Variants in CCDC91 observed in about 807,000 individuals in gnomAD.
The protein encoded by CCDC91 is coiled-coil domain containing 91, also known as coiled-coil domain-containing protein 91.
A neutral mutation model predicts 63.2 loss-of-function variants in CCDC91; 48 were observed. The observed-to-expected ratio is 0.76, with a 90% confidence interval of 0.60 to 0.97. The LOEUF is 0.97. Ranked by LOEUF, CCDC91 falls within the 50% of genes least tolerant of loss-of-function variation. The probability of loss-of-function intolerance (pLI) is 0.00; values close to 1 mark genes in which losing one functional copy is unlikely to be tolerated. For missense variants in CCDC91, 500 were observed against 494.6 expected (o/e 1.01, Z -0.10); for synonymous variants, 167 against 165.8 (o/e 1.01, Z -0.06).
chr12:28,336,059 T>TG (rs11432730), intron 6 of CCDC91, among the ~76,000 whole-genome samples: 8 of 34,472 alleles, frequency 2.3e-4, no homozygotes, highest in African/African-American at 2.0e-3. Context: ...TTTGAACTAC[T>TG]TTTTTTTTTT....
At chr12:28,217,129 AACATGCT>A (rs1943614067) in intron 1 of CCDC91, among the ~76,000 whole-genome samples, 1 of 152,134 alleles carries the variant, frequency 6.6e-6, no homozygotes, top group Non-Finnish European at 1.5e-5. Context: ...CTAATCTCTT[AACATGCT>A]ACTAGGAAAT....
At chr12:28,401,000 T>C (rs1307201171) in intron 8 of CCDC91, among the ~76,000 whole-genome samples, 1 of 152,132 alleles carries the variant, frequency 6.6e-6, no homozygotes, top group Non-Finnish European at 1.5e-5. Context: ...TTCCAAACTT[T>C]CCCACATTTT....
At chr12:28,226,883 C>T (rs1161620753) in intron 1 of CCDC91, among the ~76,000 whole-genome samples, 1 of 152,080 alleles carries the variant, frequency 6.6e-6, no homozygotes. Flanking sequence ...TCAGACATTT[C>T]CTGGCTGTGG....
intron 3 of CCDC91, among the ~76,000 whole-genome samples, chr12:28,298,118 TATTC>T (rs58839531): frequency 0.42 from 62,838 of 151,158 alleles, 13,274 homozygotes; most frequent in Middle Eastern, 0.49. Flanking sequence ...TCACAGATGC[TATTC>T]ATTTGTTTTC....
chr12:28,430,532 G>A (rs1374787396), intron 8 of CCDC91, among the ~76,000 whole-genome samples: 1 of 151,956 alleles, frequency 6.6e-6, no homozygotes, highest in Admixed American at 6.6e-5. Flanking sequence ...GTATATATTA[G>A]AATAAACCTA....
intron 3 of CCDC91, among the ~76,000 whole-genome samples, chr12:28,297,383 G>T (rs754982170): frequency 3.3e-5 from 5 of 151,830 alleles, no homozygotes; most frequent in East Asian, 1.9e-4. Context: ...CTTTAGAAGA[G>T]ATCTGTCAAT....
At chr12:28,316,553 CACCTT>C in intron 6 of CCDC91, among the ~76,000 whole-genome samples, 1 of 97,240 alleles carries the variant, frequency 1.0e-5, no homozygotes, top group South Asian at 3.8e-4. Context: ...AGCCAACTCA[CACCTT>C]TTTTTTTTTT....
chr12:28,409,359 A>G (rs1346325867), intron 8 of CCDC91, among the ~76,000 whole-genome samples: 2 of 152,064 alleles, frequency 1.3e-5, no homozygotes, highest in Non-Finnish European at 2.9e-5. Context: ...CATGTTTTTC[A>G]TATATTCCCT....
intron 7 of CCDC91, among the ~76,000 whole-genome samples, chr12:28,386,660 C>T (rs1945621756): frequency 6.6e-6 from 1 of 152,200 alleles, no homozygotes; most frequent in South Asian, 2.1e-4. Context: ...AGCCACTCTG[C>T]CCAGCCTAAA....
rs1274160175 is a variant in CCDC91 at position 28,193,145 on chromosome 12, T to G, written c.-15+2504T>G. Among the ~76,000 whole-genome samples, 3 of 152,360 alleles carry G rather than the reference T, an allele frequency of 2.0e-5. No individual in the cohort carries two copies. In the East Asian group the frequency reaches 5.8e-4, roughly 29 times the overall value. ...CATAGTATGTTTATTCGCCATTTGA[T>G]GAACAATTTTTGGCATTTAGGAATG... On this transcript the variant is annotated intron_variant, in intron 1 of 12. Coordinates refer to ENST00000536442, the MANE Select transcript of CCDC91 (RefSeq NM_018318.5).
chr12:28,261,854 C>G (rs1946842586), intron 3 of CCDC91, among the ~76,000 whole-genome samples: 1 of 151,902 alleles, frequency 6.6e-6, no homozygotes, highest in Non-Finnish European at 1.5e-5. Flanking sequence ...CACTCACACT[C>G]ACACACTCTT....
chr12:28,476,017 TA>T (rs897534477), intron 11 of CCDC91, among the ~76,000 whole-genome samples: 16 of 152,036 alleles, frequency 1.1e-4, no homozygotes, highest in African/African-American at 3.6e-4. Context: ...GTATTTTGGT[TA>T]AAAAAACTGC....
chr12:28,250,365 T>C (rs1473103131), intron 1 of CCDC91, among the ~76,000 whole-genome samples: 1 of 152,176 alleles, frequency 6.6e-6, no homozygotes, highest in African/African-American at 2.4e-5. Flanking sequence ...CTCAGTTTGC[T>C]TTCTTTGGAC....
intron 3 of CCDC91, among the ~76,000 whole-genome samples, chr12:28,293,266 G>A (rs563491173): frequency 5.9e-5 from 9 of 152,234 alleles, no homozygotes; most frequent in African/African-American, 2.2e-4. Flanking sequence ...AATCTTCGTA[G>A]CTTAAATGAA....
rs141277796 is a variant in CCDC91 at position 28,245,275 on chromosome 12, G to C, written c.-14-11927G>C. On this transcript the variant is annotated intron_variant, in intron 1 of 12. Transcript: ENST00000536442. ...ATGGCTTATCAGATTAGCAAGGAAAGAAGTTATTGTATAATAAATGTAATC... is the reference window on the plus strand; with the variant it reads ...ATGGCTTATCAGATTAGCAAGGAAACAAGTTATTGTATAATAAATGTAATC... Among the ~76,000 whole-genome samples the C allele has an allele frequency of 3.3e-5, 5 of 152,040 alleles. No individual in the cohort carries two copies. The East Asian group carries it at 9.7e-4, about 29-fold the overall frequency.
rs1274016547 is a variant in CCDC91, at chr12:28,376,293, G to A, written c.654+13778G>A. ...AGGTTTTGTGGGTGGGTGTGCATAC[G>A]TGTATGTGCTTATATTGTATCCCAT... On this transcript the variant is annotated intron_variant, in intron 7 of 12. Coordinates refer to ENST00000536442, the MANE Select transcript of CCDC91 (RefSeq NM_018318.5). Among the ~76,000 whole-genome samples, 5 of 151,500 alleles carry A rather than the reference G, an allele frequency of 3.3e-5. No homozygotes were observed. In the East Asian group the frequency reaches 5.8e-4, roughly 18 times the overall value.
intron 3 of CCDC91, among the ~76,000 whole-genome samples, chr12:28,299,438 C>G (rs1484815456): frequency 6.6e-6 from 1 of 151,600 alleles, no homozygotes; most frequent in Non-Finnish European, 1.5e-5. Context: ...CCCTCCCTCT[C>G]TCATACTGTG....
intron 6 of CCDC91, among the ~76,000 whole-genome samples, chr12:28,311,687 CAA>C (rs1270381216): frequency 6.6e-6 from 1 of 151,864 alleles, no homozygotes; most frequent in Non-Finnish European, 1.5e-5. Context: ...TTAAAAGTTT[CAA>C]AGTTAGGGCC....
intron 6 of CCDC91, among the ~76,000 whole-genome samples, chr12:28,340,847 G>A (rs1376562646): frequency 6.6e-6 from 1 of 152,164 alleles, no homozygotes; most frequent in Non-Finnish European, 1.5e-5. Flanking sequence ...CTATGGCAAG[G>A]ACAGAGGGCT....
Sources: allele counts gnomAD v4.1 joint callset (sites outside exome capture counted in the v4.1 genomes callset), GRCh38; gene constraint gnomAD v4.1.1; transcripts MANE v1.5; gene names NCBI Gene and HGNC (gene_info 2026-07-23, HGNC 2026-07-21).